Variants in PRKAA2 observed in about 807,000 individuals in gnomAD.
PRKAA2 encodes the protein protein kinase AMP-activated catalytic subunit alpha 2, also known as 5'-AMP-activated protein kinase catalytic subunit alpha-2.
A neutral mutation model predicts 56.3 loss-of-function variants in PRKAA2; 40 were observed. That is an observed-to-expected ratio of 0.71 (90% confidence interval 0.55 to 0.92). The LOEUF is 0.92. Among genes scored for constraint, PRKAA2 ranks in the 40% least tolerant of loss-of-function variants. PRKAA2 has a pLI of 0.00. For missense variants in PRKAA2, 542 were observed against 686.9 expected (o/e 0.79, Z 2.36); for synonymous variants, 214 against 234.2 (o/e 0.91, Z 0.79).
chr1:56,648,053 G>T (rs1646657952), intron 1 of PRKAA2, among the ~76,000 whole-genome samples: 1 of 150,932 alleles, frequency 6.6e-6, no homozygotes, highest in African/African-American at 2.4e-5. Flanking sequence ...GAAAAGAAAA[G>T]AAAACAACTT....
chr1:56,694,575 A>ATCAAGATT (rs2100426537), intron 5 of PRKAA2, among the ~76,000 whole-genome samples: 1 of 152,300 alleles, frequency 6.6e-6, no homozygotes, highest in Admixed American at 6.5e-5. Flanking sequence ...GAAGTCCAAG[A>ATCAAGATT]TCAAGATTTG....
intron 1 of PRKAA2, among the ~76,000 whole-genome samples, chr1:56,658,587 T>TCCCCCC (rs35263676): frequency 7.7e-6 from 1 of 130,170 alleles, no homozygotes; most frequent in Non-Finnish European, 1.6e-5. Context: ...TTTTTTTTCT[T>TCCCCCC]CCCCCCCCCC....
At chr1:56,652,706 TA>T (rs940497214) in intron 1 of PRKAA2, among the ~76,000 whole-genome samples, 2 of 152,200 alleles carry the variant, frequency 1.3e-5, no homozygotes, top group Non-Finnish European at 2.9e-5. Context: ...TTGAGGTATA[TA>T]AAATGGCTTT....
In PRKAA2 at chr1:56,650,011, CT is replaced by C. The variant is rs570943229; in HGVS notation, c.94+4532del. Reference sequence around the variant, plus strand: ...TTGGGAAGCTGAGGCAGGAGAATCACTTGGACCCGGGAGGCGGAAGTTGCAG... The same window carrying C: ...TTGGGAAGCTGAGGCAGGAGAATCACTGGACCCGGGAGGCGGAAGTTGCAG... On this transcript the variant is annotated intron_variant, in intron 1 of 8. Coordinates refer to ENST00000371244, the MANE Select transcript of PRKAA2 (RefSeq NM_006252.4). Among the ~76,000 whole-genome samples the C allele has an allele frequency of 1.6e-3, 244 of 152,204 alleles. 1 individual carries two copies. Among genetic ancestry groups the C allele is most frequent in the African/African-American group, 5.5e-3 (227 of 41,540 alleles).
chr1:56,647,882 T>A (rs546492311), intron 1 of PRKAA2, among the ~76,000 whole-genome samples: 18 of 151,746 alleles, frequency 1.2e-4, no homozygotes, highest in African/African-American at 4.3e-4. Flanking sequence ...ATACAAAAAT[T>A]AGCCAGGCGT....
chr1:56,699,932 A>AT (rs1200855902), intron 6 of PRKAA2, among the ~76,000 whole-genome samples: 4 of 151,914 alleles, frequency 2.6e-5, no homozygotes, highest in Admixed American at 6.6e-5. Flanking sequence ...TTAGTACTTC[A>AT]TTTTTTTTGC....
At position 56,704,357 on chromosome 1, in the gene PRKAA2, C is replaced by A. The variant is rs1644317313; in HGVS notation, c.1175C>A (p.Pro392His). Reference protein sequence around the residue: ...CPLDALNTTKPKSLAVKKAKW... With the variant: ...CPLDALNTTKHKSLAVKKAKW... ...TTGGATGCACTGAATACGACTAAGC[C>A]CAAATCTTTAGCTGTGAAAAAAGCC... The change falls in exon 7 of 9, where the codon CCC (proline) becomes CAC (histidine). Residue 392 changes from proline (P) to histidine (H), a missense_variant. This residue lies in a region of PRKAA2 where 198 missense variants were observed against 234.0 expected (regional missense o/e 0.85). Transcript: ENST00000371244. The A allele has an allele frequency of 6.2e-7, 1 of 1,613,974 alleles. No individual in the cohort carries two copies. The highest frequency in any genetic ancestry group is 1.7e-5 in the Admixed American group (1 of 59,994).
intron 2 of PRKAA2, among the ~76,000 whole-genome samples, chr1:56,681,670 G>A (rs1169575621): frequency 3.9e-5 from 6 of 152,252 alleles, no homozygotes; most frequent in Admixed American, 1.3e-4. Flanking sequence ...GGTTGTAGAT[G>A]TGTGGTATTA....
chr1:56,654,210 C>T (rs2100381459), intron 1 of PRKAA2, among the ~76,000 whole-genome samples: 1 of 152,182 alleles, frequency 6.6e-6, no homozygotes, highest in Admixed American at 6.5e-5. Flanking sequence ...GAGCTTTCTC[C>T]CTTTTTCATG....
At chr1:56,645,819 C>T (rs1247113812) in intron 1 of PRKAA2, among the ~76,000 whole-genome samples, 1 of 152,144 alleles carries the variant, frequency 6.6e-6, no homozygotes, top group Non-Finnish European at 1.5e-5. Flanking sequence ...ATCGGGAGAA[C>T]TGGACTCGTT....
rs1644147354 is a variant in PRKAA2 at position 56,680,710 on chromosome 1, A to G, written c.236+6188A>G. Among the ~76,000 whole-genome samples the G allele has an allele frequency of 2.0e-5, 3 of 152,300 alleles. No individual in the cohort carries two copies. In the South Asian group the frequency reaches 6.2e-4, roughly 32 times the overall value. On this transcript the variant is annotated intron_variant, in intron 2 of 8. Coordinates refer to ENST00000371244, the MANE Select transcript of PRKAA2 (RefSeq NM_006252.4). Reference sequence around the variant, plus strand: ...AACTCATCCTTTTTTATGGCTGCATAGTATTCCATGGTGTATATGTGCCAC... The same window carrying G: ...AACTCATCCTTTTTTATGGCTGCATGGTATTCCATGGTGTATATGTGCCAC...
At chr1:56,704,584 G>A (rs1191381111) in intron 7 of PRKAA2, 109 bp downstream of exon 7, 2 of 1,259,556 alleles carry the variant, frequency 1.6e-6, no homozygotes, top group Non-Finnish European at 1.1e-6. Context: ...CTAGTAATAT[G>A]CTATGCACAT....
intron 1 of PRKAA2, among the ~76,000 whole-genome samples, chr1:56,648,508 C>T (rs542517810): frequency 1.5e-4 from 23 of 152,216 alleles, no homozygotes; most frequent in Admixed American, 3.3e-4. Context: ...AATGGCACTA[C>T]GAATATTCAC....
At chr1:56,705,965 C>A in intron 7 of PRKAA2, 127 bp from the exon 8 acceptor site, 1 of 741,776 alleles carries the variant, frequency 1.3e-6, no homozygotes, top group Non-Finnish European at 2.1e-6. Flanking sequence ...AGTGAACTAC[C>A]AGTAATATAA....
At chr1:56,689,370 T>G (rs1385873679) in intron 2 of PRKAA2, among the ~76,000 whole-genome samples, 1 of 152,240 alleles carries the variant, frequency 6.6e-6, no homozygotes, top group African/African-American at 2.4e-5. Flanking sequence ...TTATTTTATA[T>G]AAATTAGAAT....
intron 6 of PRKAA2, among the ~76,000 whole-genome samples, chr1:56,700,826 C>T (rs1644288930): frequency 1.3e-5 from 2 of 152,086 alleles, no homozygotes; most frequent in African/African-American, 2.4e-5. Flanking sequence ...ATTCTCCCCA[C>T]CTCAATGCCC....
chr1:56,707,381 G>A, intron 8 of PRKAA2, 94 bp from the exon 9 acceptor site: 1 of 1,018,318 alleles, frequency 9.8e-7, no homozygotes, highest in Non-Finnish European at 1.5e-6. Context: ...TTGCTCAGAT[G>A]TGTTTACTTA....
At chr1:56,667,259 T>C (rs936891877) in intron 1 of PRKAA2, among the ~76,000 whole-genome samples, 1 of 152,062 alleles carries the variant, frequency 6.6e-6, no homozygotes, top group Non-Finnish European at 1.5e-5. Flanking sequence ...CCAGTGTTTT[T>C]TTCCCCCACC....
chr1:56,654,481 GA>G (rs1643925819), intron 1 of PRKAA2, among the ~76,000 whole-genome samples: 2 of 152,052 alleles, frequency 1.3e-5, no homozygotes, highest in Non-Finnish European at 2.9e-5. Context: ...AATCCTTTAA[GA>G]AATAATGAGT....
Sources: gnomAD v4.1 joint callset for allele counts (sites outside exome capture counted in the v4.1 genomes callset) on GRCh38, gnomAD v4.1.1 for gene constraint, gnomAD v4.1.1 regional missense constraint, MANE v1.5 for transcripts, NCBI Gene and HGNC (gene_info 2026-07-23, HGNC 2026-07-21) for gene names.